Variants in UMAD1 observed in about 807,000 individuals in gnomAD.
UMAD1 encodes UBAP1-MVB12-associated (UMA)-domain containing protein 1.
UMAD1 carries 8 observed loss-of-function variants against 6.1 expected under a neutral mutation model. The observed-to-expected ratio is 1.30, with a 90% confidence interval of 0.76 to 2.35. The LOEUF (loss-of-function observed/expected upper bound fraction) is 2.35, where lower values mean the gene tolerates loss of function less well. UMAD1 is among the 30% of genes most tolerant of loss of function. The probability of loss-of-function intolerance (pLI) is 0.00; values close to 1 mark genes in which losing one functional copy is unlikely to be tolerated. For synonymous variants in UMAD1, 56 were observed against 31.4 expected, an observed-to-expected ratio of 1.78 and a Z score of -2.61; for missense variants, 130 against 78.4, an observed-to-expected ratio of 1.66 and a Z score of -2.49.
chr7:7,871,760 T>C (rs1427190976), intron 3 of UMAD1, among the ~76,000 whole-genome samples: 1 of 152,108 alleles, frequency 6.6e-6, no homozygotes, highest in Non-Finnish European at 1.5e-5. Context: ...TGAGAAAGCA[T>C]GTCCCAATTT....
At chr7:7,831,253 C>T (rs1783461175) in intron 3 of UMAD1, among the ~76,000 whole-genome samples, 1 of 152,154 alleles carries the variant, frequency 6.6e-6, no homozygotes, top group African/African-American at 2.4e-5. Flanking sequence ...TTGCTGTCGC[C>T]AGGATATTCT....
rs752886450 is a variant in UMAD1, at chr7:7,694,347, G to C, written c.82+20894G>C. Among the ~76,000 whole-genome samples the C allele has an allele frequency of 3.9e-5, 6 of 152,008 alleles. No homozygotes were observed. The East Asian group carries it at 1.2e-3, about 29-fold the overall frequency. On this transcript the variant is annotated intron_variant, in intron 2 of 3. Coordinates refer to ENST00000682710, the MANE Select transcript of UMAD1 (RefSeq NM_001302348.2). ...TCAGGGTAAATGGGATATCCATCAC[G>C]TCAAGCATTTATCATTTTTTTGTGA... is the stretch of plus-strand genomic sequence containing the variant.
At chr7:7,842,254 T>G (rs1024655503) in intron 3 of UMAD1, among the ~76,000 whole-genome samples, 26 of 152,220 alleles carry the variant, frequency 1.7e-4, no homozygotes, top group African/African-American at 6.3e-4. Context: ...CTCTGCCTTC[T>G]GCGCAGGGAT....
chr7:7,866,205 TATTCAGTC>T (rs1413158297), intron 3 of UMAD1, among the ~76,000 whole-genome samples: 1 of 152,210 alleles, frequency 6.6e-6, no homozygotes, highest in African/African-American at 2.4e-5. Flanking sequence ...AGATTTAGAT[TATTCAGTC>T]ATTCAGTAAA....
chr7:7,812,774 C>T (rs1402746453), intron 3 of UMAD1, among the ~76,000 whole-genome samples: 1 of 149,022 alleles, frequency 6.7e-6, no homozygotes, highest in African/African-American at 2.5e-5. Flanking sequence ...GTTGGGAGAA[C>T]AACTGTTCCC....
At chr7:7,874,849 G>A (rs138766523) in intron 3 of UMAD1, among the ~76,000 whole-genome samples, 86 of 152,318 alleles carry the variant, frequency 5.6e-4, no homozygotes, top group Middle Eastern at 3.4e-3. Context: ...GAGGGCTTCT[G>A]GGGGCTGGTC....
chr7:7,783,974 A>C (rs532022125), intron 2 of UMAD1, among the ~76,000 whole-genome samples: 5 of 152,202 alleles, frequency 3.3e-5, no homozygotes, highest in African/African-American at 4.8e-5. Flanking sequence ...GGAAGAAATT[A>C]AAGATGATAA....
In UMAD1 at chr7:7,810,328, A is replaced by G. The variant is rs191908055; in HGVS notation, c.156+8585A>G. Among the ~76,000 whole-genome samples the G allele has an allele frequency of 4.6e-5, 7 of 152,234 alleles. No individual in the cohort carries two copies. In the East Asian group the frequency reaches 1.3e-3, roughly 29 times the overall value. ...TATTAAGAGCCATAAAGATGTTAAT[A>G]TACTTTGACAGTAATTCCACTTTTA... is the stretch of plus-strand genomic sequence containing the variant. On this transcript the variant is annotated intron_variant, in intron 3 of 3. Coordinates refer to ENST00000682710, the MANE Select transcript of UMAD1 (RefSeq NM_001302348.2).
chr7:7,673,341 AG>A lies in UMAD1; in HGVS notation c.-30del. The A allele has an allele frequency of 7.9e-7, 1 of 1,258,320 alleles. No homozygotes were observed. The highest frequency in any genetic ancestry group is 1.1e-6 in the Non-Finnish European group (1 of 892,338). 77.9% of individuals were successfully genotyped at this position (1,258,320 alleles called of 1,614,324 possible). ...CAGCAGCAGCAGCAGCAGCAGCAGC[AG>A]CAGCAGCAGCAGCAGCAGCAGCAGC... On this transcript the variant is annotated 5_prime_UTR_variant, in exon 2 of 4. Coordinates refer to ENST00000682710, the MANE Select transcript of UMAD1 (RefSeq NM_001302348.2).
intron 2 of UMAD1, among the ~76,000 whole-genome samples, chr7:7,725,313 G>C (rs895291652): frequency 1.3e-5 from 2 of 152,154 alleles, no homozygotes; most frequent in African/African-American, 4.8e-5. Flanking sequence ...ACAGGAGAAG[G>C]CTCTGCAACA....
At chr7:7,862,859 AATT>A (rs1426402046) in intron 3 of UMAD1, among the ~76,000 whole-genome samples, 3 of 152,204 alleles carry the variant, frequency 2.0e-5, no homozygotes, top group Admixed American at 2.0e-4. Flanking sequence ...TAACCTTTAA[AATT>A]ATTTCGCTTG....
At chr7:7,664,923 T>C (rs1170845116) in intron 1 of UMAD1, among the ~76,000 whole-genome samples, 1 of 152,174 alleles carries the variant, frequency 6.6e-6, no homozygotes, top group African/African-American at 2.4e-5. Context: ...TTAAACATCG[T>C]TCAGGATTTT....
chr7:7,670,936 C>G (rs1583716269), intron 1 of UMAD1, among the ~76,000 whole-genome samples: 1 of 152,204 alleles, frequency 6.6e-6, no homozygotes, highest in East Asian at 1.9e-4. Flanking sequence ...AGAGGCTCCT[C>G]CATCCATTGT....
At chr7:7,643,623 A>C (rs938667620) in intron 1 of UMAD1, among the ~76,000 whole-genome samples, 1 of 151,854 alleles carries the variant, frequency 6.6e-6, no homozygotes, top group Admixed American at 6.6e-5. Context: ...GAGGCAGGAG[A>C]ATGGCGTGAA....
intron 2 of UMAD1, among the ~76,000 whole-genome samples, chr7:7,779,056 C>T (rs1782284435): frequency 6.6e-6 from 1 of 152,144 alleles, no homozygotes; most frequent in South Asian, 2.1e-4. Context: ...TAAGGTCACA[C>T]AGCTATCATA....
chr7:7,858,088 C>G (rs1166607944), intron 3 of UMAD1, among the ~76,000 whole-genome samples: 1 of 152,262 alleles, frequency 6.6e-6, no homozygotes, highest in East Asian at 1.9e-4. Flanking sequence ...TAAAATAGTA[C>G]CTACCTCATA....
intron 2 of UMAD1, among the ~76,000 whole-genome samples, chr7:7,776,933 C>T (rs183751411): frequency 3.9e-4 from 59 of 152,304 alleles, no homozygotes; most frequent in African/African-American, 1.2e-3. Context: ...TACTGTTCAT[C>T]TTTTATGTAT....
At chr7:7,784,113 A>T (rs1782407054) in intron 2 of UMAD1, among the ~76,000 whole-genome samples, 1 of 151,054 alleles carries the variant, frequency 6.6e-6, no homozygotes, top group Non-Finnish European at 1.5e-5. Flanking sequence ...TCTTGACTGT[A>T]GACAGACTTT....
intron 3 of UMAD1, among the ~76,000 whole-genome samples, chr7:7,862,991 A>G (rs1784143912): frequency 6.7e-6 from 1 of 150,286 alleles, no homozygotes; most frequent in Admixed American, 6.6e-5. Context: ...ACTATAGTAC[A>G]TAAAATTGAA....
Sources: allele counts gnomAD v4.1 joint callset (sites outside exome capture counted in the v4.1 genomes callset), GRCh38; gene constraint gnomAD v4.1.1; transcripts MANE v1.5; gene names NCBI Gene and HGNC (gene_info 2026-07-23, HGNC 2026-07-21).